Variants in COBLL1 observed in about 807,000 individuals in gnomAD.
COBLL1 encodes the protein cordon-bleu protein-like 1.
COBLL1 carries 50 observed loss-of-function variants against 94.8 expected under a neutral mutation model. That is an observed-to-expected ratio of 0.53 (90% confidence interval 0.42 to 0.67). The LOEUF is 0.67. Ranked by LOEUF, COBLL1 falls within the 30% of genes least tolerant of loss-of-function variation. The pLI, the probability that COBLL1 is intolerant of heterozygous loss-of-function variation, is 0.00. For missense variants in COBLL1, 1,362 were observed against 1,348.7 expected (o/e 1.01, Z -0.15); for synonymous variants, 448 against 473.8 (o/e 0.95, Z 0.71).
chr2:164,836,683 C>A (rs1395423924), intron 2 of COBLL1, among the ~76,000 whole-genome samples: 1 of 152,150 alleles, frequency 6.6e-6, no homozygotes, highest in Admixed American at 6.6e-5. Flanking sequence ...TGGAATCTTT[C>A]AAAAGGCAAA....
At chr2:164,768,060 T>A (rs1688020897) in intron 2 of COBLL1, among the ~76,000 whole-genome samples, 1 of 152,166 alleles carries the variant, frequency 6.6e-6, no homozygotes, top group African/African-American at 2.4e-5. Flanking sequence ...TTTAAGAACT[T>A]CTACAGGTCA....
Position 164,694,525 on chromosome 2 carries a change from A to G in COBLL1, c.2867T>C (p.Val956Ala), listed in dbSNP as rs759113453. Residue 956 changes from valine to alanine, a missense_variant, in exon 12 of 14, where the codon GTG (valine) becomes GCG (alanine). Physicochemically the swap from Val to Ala is moderately conservative, Grantham distance 64. Coordinates refer to ENST00000652658, the MANE Select transcript of COBLL1 (RefSeq NM_001365672.2). ...GGATACCTGACTAGCAGGAATTGTC[A>G]CAGGTTTTGGAGCTATGGGAGGAGG... ...ASPPPIAPKP[V>A]TIPASQVSTQ... 6.8e-6 allele frequency: 11 copies of G among 1,613,882 alleles called. No individual in the cohort carries two copies. The highest frequency in any genetic ancestry group is 8.5e-7 in the Non-Finnish European group (1 of 1,179,944).
intron 2 of COBLL1, among the ~76,000 whole-genome samples, chr2:164,816,586 G>A (rs1684761500): frequency 6.6e-6 from 1 of 152,038 alleles, no homozygotes; most frequent in African/African-American, 2.4e-5. Flanking sequence ...TTATTTTAAA[G>A]GATATTATAC....
intron 1 of COBLL1, among the ~76,000 whole-genome samples, chr2:164,673,122 T>G (rs1004628762): frequency 2.0e-5 from 3 of 152,262 alleles, no homozygotes; most frequent in African/African-American, 7.2e-5. Context: ...TGTCTGTTAT[T>G]CCTTGATTCT....
Position 164,785,792 on chromosome 2 carries a change from A to G in COBLL1, c.42-41917T>C, listed in dbSNP as rs549563918. ...AAGAAAGGAAAGAAAGAAAGAAAAAAAAAAGACATCAGAGGCTTATTCTCA... is the reference window on the plus strand; with the variant it reads ...AAGAAAGGAAAGAAAGAAAGAAAAAGAAAAGACATCAGAGGCTTATTCTCA... On this transcript the variant is annotated intron_variant, in intron 2 of 13. Coordinates refer to ENST00000652658, the MANE Select transcript of COBLL1 (RefSeq NM_001365672.2). 3.9e-5 allele frequency among the ~76,000 whole-genome samples: 6 copies of G among 152,266 alleles called. No individual in the cohort carries two copies. In the East Asian group the frequency reaches 1.2e-3, roughly 29 times the overall value.
intron 2 of COBLL1, among the ~76,000 whole-genome samples, chr2:164,820,022 TG>T (rs1685086005): frequency 6.7e-6 from 1 of 149,038 alleles, no homozygotes; most frequent in Non-Finnish European, 1.5e-5. Context: ...TTAGTAGAGA[TG>T]GGGTTTTGCC....
intron 2 of COBLL1, among the ~76,000 whole-genome samples, chr2:164,794,494 G>GA (rs1161645126): frequency 2.6e-5 from 4 of 151,414 alleles, no homozygotes. Flanking sequence ...GGGTAGGGAA[G>GA]AAAAAAAATC....
chr2:164,663,549 T>C (rs1232524070), intron 2 of COBLL1, among the ~76,000 whole-genome samples: 2 of 152,140 alleles, frequency 1.3e-5, no homozygotes, highest in Non-Finnish European at 2.9e-5. Flanking sequence ...GGAATCAACC[T>C]GGGTGCTCAC....
rs768693684 is a variant in COBLL1, at chr2:164,692,389, G to A, written c.3132C>T (p.Asn1044=). ...GGGAATTCTGTTCATTATGTGCAGA[G>A]TTATTTTCCTACAAAAATAAATGTG... ...PQLGVSDKEN[N]SAHNEQNSQI... Residue 1044 remains asparagine, a synonymous_variant, in exon 13 of 14, where the codon AAC becomes AAT. Transcript: ENST00000652658. 5.0e-6 allele frequency: 8 copies of A among 1,590,420 alleles called. No homozygotes were observed. Among genetic ancestry groups the A allele is most frequent in the African/African-American group, 1.4e-5 (1 of 73,458 alleles).
intron 2 of COBLL1, among the ~76,000 whole-genome samples, chr2:164,765,544 T>C (rs1310518640): frequency 6.6e-6 from 1 of 152,138 alleles, no homozygotes; most frequent in Non-Finnish European, 1.5e-5. Context: ...GTAAAATGGC[T>C]ATGTGTGGAT....
intron 7 of COBLL1, among the ~76,000 whole-genome samples, chr2:164,706,462 G>T (rs1264489292): frequency 3.3e-5 from 5 of 152,086 alleles, no homozygotes; most frequent in African/African-American, 1.2e-4. Flanking sequence ...TGTATTATTT[G>T]CATGCTGATG....
Position 164,694,948 on chromosome 2 carries a change from G to C in COBLL1, c.2444C>G (p.Pro815Arg). Reference sequence around the variant, plus strand: ...CAGAGGACTAACCATGGCATCATCAGGTGAGCTCACAGAACTGGGCACTTG... The same window carrying C: ...CAGAGGACTAACCATGGCATCATCACGTGAGCTCACAGAACTGGGCACTTG... ...EHQVPSSVSS[P>R]DDAMVSPLKP... is the part of the protein sequence containing the mutation. Residue 815 changes from proline to arginine, a missense_variant, in exon 12 of 14, where the codon CCT (proline) becomes CGT (arginine). Transcript: ENST00000652658. 6.2e-7 allele frequency: 1 copy of C among 1,613,934 alleles called. No homozygotes were observed.
rs200922948 is a variant in COBLL1 at position 164,722,432 on chromosome 2, C to T, written c.752G>A (p.Arg251Gln). Residue 251 changes from arginine (R) to glutamine (Q), a missense_variant, in exon 6 of 14, where the codon CGA (arginine) becomes CAA (glutamine). Arg to Gln is a conservative substitution (Grantham distance 43). Transcript: ENST00000652658. ...ATATAAGAAAATACTTACTTGGTCTCGCTTTTTCTTACTGCGTTGAAAAAA... is the reference window on the plus strand; with the variant it reads ...ATATAAGAAAATACTTACTTGGTCTTGCTTTTTCTTACTGCGTTGAAAAAA... ...FSFFQRSKKKRDQTASAPATP... is the reference protein window; with the variant it reads ...FSFFQRSKKKQDQTASAPATP... The T allele has an allele frequency of 2.9e-5, 44 of 1,518,004 alleles. No homozygotes were observed. Among genetic ancestry groups the T allele is most frequent in the African/African-American group, 2.7e-4 (19 of 71,492 alleles). The allele number at this position is 1,518,004 out of a possible 1,614,324, so 94.0% of individuals were successfully genotyped here.
chr2:164,800,712 T>C (rs1683730668), intron 2 of COBLL1, among the ~76,000 whole-genome samples: 1 of 152,172 alleles, frequency 6.6e-6, no homozygotes. Flanking sequence ...TACAAAATAC[T>C]ACACTTAGCT....
At chr2:164,749,090 C>A (rs1687006194) in intron 2 of COBLL1, among the ~76,000 whole-genome samples, 1 of 151,926 alleles carries the variant, frequency 6.6e-6, no homozygotes, top group African/African-American at 2.4e-5. Flanking sequence ...ATATAATATC[C>A]TTAAAATAGA....
chr2:164,780,774 G>C (rs1001334989), intron 2 of COBLL1, among the ~76,000 whole-genome samples: 1 of 152,148 alleles, frequency 6.6e-6, no homozygotes, highest in African/African-American at 2.4e-5. Context: ...TATCTGCCGG[G>C]CTAAGTGGAA....
chr2:164,701,577 T>A (rs1299449264), intron 9 of COBLL1, among the ~76,000 whole-genome samples: 1 of 151,972 alleles, frequency 6.6e-6, no homozygotes, highest in Non-Finnish European at 1.5e-5. Flanking sequence ...CCACCTAGCT[T>A]TTTTTCCACT....
At chr2:164,704,566 A>G (rs1191908932) in intron 8 of COBLL1, 48 bp from the exon 9 acceptor site, 2 of 1,424,786 alleles carry the variant, frequency 1.4e-6, no homozygotes, top group Non-Finnish European at 2.0e-6. Context: ...TCACAAATAA[A>G]ACAATTCCTT....
At chr2:164,818,927 G>A (rs929586346) in intron 2 of COBLL1, among the ~76,000 whole-genome samples, 7 of 151,328 alleles carry the variant, frequency 4.6e-5, no homozygotes, top group Non-Finnish European at 1.0e-4. Flanking sequence ...ATGCCACCAA[G>A]CCCGGCTTTT....
Sources: allele counts gnomAD v4.1 joint callset (sites outside exome capture counted in the v4.1 genomes callset), GRCh38; gene constraint gnomAD v4.1.1; transcripts MANE v1.5; gene names NCBI Gene and HGNC (gene_info 2026-07-23, HGNC 2026-07-21).